Variants in CKAP2L observed in about 807,000 individuals in gnomAD.
The protein encoded by CKAP2L is cytoskeleton-associated protein 2-like.
CKAP2L carries 42 observed loss-of-function variants against 65.7 expected under a neutral mutation model. The ratio of observed to expected loss-of-function variants is 0.64; its 90% CI spans 0.50 to 0.83. The LOEUF (loss-of-function observed/expected upper bound fraction) is 0.83. CKAP2L is among the 40% of genes least tolerant of loss of function. The pLI is 0.00. For missense variants in CKAP2L, 908 were observed against 871.0 expected, an observed-to-expected ratio of 1.04 and a Z score of -0.53; for synonymous variants, 325 against 313.5, an observed-to-expected ratio of 1.04 and a Z score of -0.39.
intron 6 of CKAP2L, among the ~76,000 whole-genome samples, chr2:112,745,709 G>A (rs1315762163): frequency 6.6e-6 from 1 of 152,136 alleles, no homozygotes; most frequent in Non-Finnish European, 1.5e-5. Flanking sequence ...TCATAACAAT[G>A]TGAATGCTAA....
At chr2:112,753,307 C>T (rs1341992373) in intron 4 of CKAP2L, among the ~76,000 whole-genome samples, 3 of 152,160 alleles carry the variant, frequency 2.0e-5, no homozygotes, top group Non-Finnish European at 4.4e-5. Flanking sequence ...ATTTTCATCT[C>T]TGCATCTGTT....
intron 3 of CKAP2L, among the ~76,000 whole-genome samples, chr2:112,757,941 CTA>C (rs1258805481): frequency 6.6e-6 from 1 of 152,160 alleles, no homozygotes; most frequent in Admixed American, 6.5e-5. Context: ...TATAGCCACA[CTA>C]TATGTTTTTT....
Position 112,757,125 on chromosome 2 carries a change from T to A in CKAP2L, c.246A>T (p.Pro82=). 9 of 1,614,160 alleles carry A rather than the reference T, an allele frequency of 5.6e-6. No homozygotes were observed. The highest frequency in any genetic ancestry group is 5.9e-6 in the Non-Finnish European group (7 of 1,180,028). ...RSISIKLQPR[P]PNTAGSQKPK... The stretch of plus-strand genomic sequence containing the variant: ...GCTTCTGGGACCCTGCAGTATTAGG[T>A]GGTCTGGGCTGGAGTTTAATGCTGA... The change falls in exon 4 of 9, where the codon CCA becomes CCT. Residue 82 remains proline, a synonymous_variant. Coordinates refer to ENST00000302450, the MANE Select transcript of CKAP2L (RefSeq NM_152515.5).
intron 6 of CKAP2L, among the ~76,000 whole-genome samples, chr2:112,744,567 C>T (rs1574325071): frequency 6.6e-6 from 1 of 152,138 alleles, no homozygotes; most frequent in East Asian, 1.9e-4. Flanking sequence ...GGATATCATG[C>T]AAGATTAGGA....
Position 112,737,991 on chromosome 2 carries a change from C to T in CKAP2L, c.*832G>A, listed in dbSNP as rs375252836. ...ATTTACATAATGACTAAGGTAAAAC[C>T]TTTCCACAAATAGTTGCCCAGGAGG... On this transcript the variant is annotated 3_prime_UTR_variant, in exon 9 of 9. Coordinates refer to ENST00000302450, the MANE Select transcript of CKAP2L (RefSeq NM_152515.5). 5 of 152,154 alleles carry T rather than the reference C, an allele frequency of 3.3e-5. No individual in the cohort carries two copies. Among genetic ancestry groups the T allele is most frequent in the African/African-American group, 1.2e-4 (5 of 41,504 alleles). The allele number at this position is 152,154 out of a possible 1,614,324, so 9.4% of individuals were successfully genotyped here.
intron 1 of CKAP2L, among the ~76,000 whole-genome samples, chr2:112,762,796 T>G (rs1558765096): frequency 6.6e-6 from 1 of 151,998 alleles, no homozygotes; most frequent in Non-Finnish European, 1.5e-5. Flanking sequence ...TTTTTTTTTT[T>G]TTTTTGAGAC....
In CKAP2L at chr2:112,737,493, A is replaced by G. The variant is rs761166402; in HGVS notation, c.*1330T>C. 1.3e-5 allele frequency: 2 copies of G among 152,156 alleles called. No individual in the cohort carries two copies. Among genetic ancestry groups the G allele is most frequent in the South Asian group, 4.1e-4 (2 of 4,834 alleles). The allele number at this position is 152,156 out of a possible 1,614,324, so 9.4% of individuals were successfully genotyped here. On this transcript the variant is annotated 3_prime_UTR_variant, in exon 9 of 9. Coordinates refer to ENST00000302450, the MANE Select transcript of CKAP2L (RefSeq NM_152515.5). ...GATTAATGATGCTGAACACCTTTTC[A>G]TATCTATACCTACTGGCCATTTCTT...
rs950699116 is a variant in CKAP2L at position 112,746,515 on chromosome 2, C to T, written c.1663G>A (p.Ala555Thr). The change falls in exon 6 of 9, where the codon GCT (alanine) becomes ACT (threonine). Residue 555 changes from alanine to threonine, a missense_variant. Transcript: ENST00000302450. Reference sequence around the variant, plus strand: ...TTTGCTTTGCAGATCCAGAATTTAGCAAATTTTTCAGCTTCAGGAATGCTG... The same window carrying T: ...TTTGCTTTGCAGATCCAGAATTTAGTAAATTTTTCAGCTTCAGGAATGCTG... ...LSSIPEAEKF[A>T]KFWICKAKLL... The T allele has an allele frequency of 1.2e-6, 2 of 1,613,322 alleles. No homozygotes were observed. Among genetic ancestry groups the T allele is most frequent in the East Asian group, 4.5e-5 (2 of 44,810 alleles).
rs759631723 is a variant in CKAP2L at position 112,752,360 on chromosome 2, G to A, written c.1509C>T (p.Ser503=). The A allele has an allele frequency of 1.2e-6, 2 of 1,612,720 alleles. No individual in the cohort carries two copies. The highest frequency in any genetic ancestry group is 1.7e-5 in the Admixed American group (1 of 59,992). The change falls in exon 5 of 9, where the codon AGC becomes AGT. Residue 503 remains serine (S), a synonymous_variant. Coordinates refer to ENST00000302450, the MANE Select transcript of CKAP2L (RefSeq NM_152515.5). ...TCTTTTCTTCCTCTTCTTTTTCAATGCTCTTCCAGAATGAAATATTCATTT... is the reference window on the plus strand; with the variant it reads ...TCTTTTCTTCCTCTTCTTTTTCAATACTCTTCCAGAATGAAATATTCATTT... The part of the protein sequence containing the change: ...IKEMNISFWK[S]IEKEEEEKKA...
intron 4 of CKAP2L, among the ~76,000 whole-genome samples, chr2:112,753,913 C>T (rs539128652): frequency 2.0e-5 from 3 of 152,252 alleles, no homozygotes; most frequent in East Asian, 1.9e-4. Flanking sequence ...TCCATGAAGA[C>T]GCAATTACCT....
At position 112,762,521 on chromosome 2, in the gene CKAP2L, A is replaced by G. The variant is rs201715689; in HGVS notation, c.86T>C (p.Leu29Pro). 95 of 1,613,906 alleles carry G rather than the reference A, an allele frequency of 5.9e-5. No homozygotes were observed. The highest frequency in any genetic ancestry group is 7.5e-5 in the Non-Finnish European group (88 of 1,179,866). ...LQEYLAAKGK[L>P]KSQNTKPYLK... Reference sequence around the variant, plus strand: ...AACTCACTTGGTGTTTTGGCTCTTCAGTTTTCCCTTGGCTGCAAGGTACTC... The same window carrying G: ...AACTCACTTGGTGTTTTGGCTCTTCGGTTTTCCCTTGGCTGCAAGGTACTC... Residue 29 changes from leucine to proline, a missense_variant, in exon 2 of 9, where the codon CTG becomes CCG. By Grantham distance (98) the Leu-to-Pro change is moderately conservative. Transcript: ENST00000302450.
At chr2:112,751,110 C>T (rs1241973967) in intron 5 of CKAP2L, among the ~76,000 whole-genome samples, 3 of 152,110 alleles carry the variant, frequency 2.0e-5, no homozygotes, top group South Asian at 2.1e-4. Flanking sequence ...CAAAGAAACA[C>T]GGTCCAGATG....
At position 112,739,032 on chromosome 2, in the gene CKAP2L, C is replaced by T; in HGVS notation, c.2029G>A (p.Glu677Lys). 6.2e-7 allele frequency: 1 copy of T among 1,613,892 alleles called. No individual in the cohort carries two copies. The highest frequency in any genetic ancestry group is 1.1e-5 in the South Asian group (1 of 91,030). The part of the protein sequence containing the change: ...GPIPRINGMP[E>K]VQDMKFITPV... ...GTGATAAATTTCATGTCTTGCACTT[C>T]CGGCATCCCATTTATTCTGAGAGAC... Residue 677 changes from glutamate to lysine, a missense_variant, in exon 9 of 9, where the codon GAA becomes AAA. Coordinates refer to ENST00000302450, the MANE Select transcript of CKAP2L (RefSeq NM_152515.5).
In CKAP2L at chr2:112,756,518, T is replaced by C; in HGVS notation, c.853A>G (p.Thr285Ala). 6.2e-7 allele frequency: 1 copy of C among 1,609,270 alleles called. No individual in the cohort carries two copies. The highest frequency in any genetic ancestry group is 1.3e-5 in the African/African-American group (1 of 74,688). ...SRTVPSHFIR[T>A]LSKVQSSKKP... ...TTTGATGACTGAACTTTACTAAGGG[T>C]CCGAATAAAGTGAGAGGGAACCGTC... The change falls in exon 4 of 9, where the codon ACC becomes GCC. Residue 285 changes from threonine (T) to alanine (A), a missense_variant. Physicochemically the swap from Thr to Ala is moderately conservative, Grantham distance 58. Transcript: ENST00000302450.
intron 3 of CKAP2L, among the ~76,000 whole-genome samples, chr2:112,759,462 A>G (rs1309194275): frequency 6.6e-6 from 1 of 152,132 alleles, no homozygotes; most frequent in Non-Finnish European, 1.5e-5. Flanking sequence ...TCCTGAGTTC[A>G]CTTTTTACTT....
chr2:112,757,385 GTTTTTTTTTTTT>G (rs11311328), intron 3 of CKAP2L, among the ~76,000 whole-genome samples, 171 bp from the exon 4 acceptor site: 1 of 87,436 alleles, frequency 1.1e-5, no homozygotes, highest in African/African-American at 5.2e-5. Flanking sequence ...TAGTTTTTGT[GTTTTTTTTTTTT>G]TTTTTTTTTT....
chr2:112,752,224 A>G (rs1357125212), intron 5 of CKAP2L, 43 bp downstream of exon 5: 1 of 1,428,530 alleles, frequency 7.0e-7, no homozygotes, highest in Non-Finnish European at 9.7e-7. Flanking sequence ...AAAAATTATA[A>G]GACTTTGGGC....
Position 112,738,577 on chromosome 2 carries a change from G to C in CKAP2L, c.*246C>G. The C allele has an allele frequency of 2.0e-6, 1 of 501,846 alleles. No individual in the cohort carries two copies. The highest frequency in any genetic ancestry group is 2.6e-5 in the South Asian group (1 of 38,686). The allele number at this position is 501,846 out of a possible 1,614,324, so 31.1% of individuals were successfully genotyped here. A position where few individuals can be genotyped will look rare whatever the true frequency, so the allele number is the denominator to read the frequency against. On this transcript the variant is annotated 3_prime_UTR_variant, in exon 9 of 9. Transcript: ENST00000302450. Reference sequence around the variant, plus strand: ...GTATAAATATTTATCATAGTTGTAGGGTAAATATTCAAAAGTTTGAAATTT... The same window carrying C: ...GTATAAATATTTATCATAGTTGTAGCGTAAATATTCAAAAGTTTGAAATTT...
At chr2:112,752,094 T>C (rs1680387353) in intron 5 of CKAP2L, among the ~76,000 whole-genome samples, 173 bp downstream of exon 5, 1 of 152,240 alleles carries the variant, frequency 6.6e-6, no homozygotes, top group African/African-American at 2.4e-5. Context: ...AAAGCACAGA[T>C]ACACAAAAGA....
Sources: allele counts gnomAD v4.1 joint callset (sites outside exome capture counted in the v4.1 genomes callset), GRCh38; gene constraint gnomAD v4.1.1; transcripts MANE v1.5; gene names NCBI Gene and HGNC (gene_info 2026-07-23, HGNC 2026-07-21).